The following JADE2 variants were observed in gnomAD, a reference collection of about 807,000 sequenced individuals.
JADE2 encodes E3 ubiquitin-protein ligase Jade-2.
In JADE2, 13 loss-of-function variants were observed where a neutral mutation model predicts 85.7. That is an observed-to-expected ratio of 0.15 (90% CI 0.10 to 0.24). The LOEUF is 0.24. Among genes scored for constraint, JADE2 ranks in the 10% least tolerant of loss-of-function variants. The probability of loss-of-function intolerance (pLI) is 1.00; values close to 1 mark genes in which losing one functional copy is unlikely to be tolerated. For missense variants in JADE2, 846 were observed against 1,115.9 expected (o/e 0.76, Z 3.45); for synonymous variants, 440 against 456.1 (o/e 0.96, Z 0.45).
At chr5:134,537,055 C>T (rs1761635841) in intron 2 of JADE2, among the ~76,000 whole-genome samples, 1 of 152,210 alleles carries the variant, frequency 6.6e-6, no homozygotes, top group African/African-American at 2.4e-5. Flanking sequence ...CAGGAGATCA[C>T]AGCATCTGGC....
chr5:134,526,079 G>C (rs896965627), intron 1 of JADE2, 68 bp downstream of exon 1: 1 of 985,204 alleles, frequency 1.0e-6, no homozygotes, highest in East Asian at 1.1e-4. Flanking sequence ...TTTTGCAACA[G>C]ATCTGCCAGC....
intron 4 of JADE2, among the ~76,000 whole-genome samples, chr5:134,554,437 G>A (rs1762791078): frequency 6.6e-6 from 1 of 152,128 alleles, no homozygotes; most frequent in South Asian, 2.1e-4. Flanking sequence ...TGGCCCAGCG[G>A]TCTGTCCTCT....
At chr5:134,525,324 C>T (rs929407084), upstream of JADE2, among the ~76,000 whole-genome samples, 1 of 151,964 alleles carries the variant, frequency 6.6e-6, no homozygotes, top group African/African-American at 2.4e-5. Context: ...CGGGCGCAGC[C>T]GCCGCTCGGG....
intron 3 of JADE2, among the ~76,000 whole-genome samples, chr5:134,545,401 T>A (rs1164094076): frequency 6.8e-6 from 1 of 147,262 alleles, no homozygotes; most frequent in African/African-American, 2.4e-5. Flanking sequence ...GAAAGAGACG[T>A]TGAGTGGGGT....
intron 5 of JADE2, 112 bp from the exon 6 acceptor site, chr5:134,560,634 A>G (rs1439119167): frequency 2.3e-6 from 2 of 871,358 alleles, no homozygotes; most frequent in South Asian, 3.4e-5. Flanking sequence ...GTGGGCAGAA[A>G]CCCTCCCAGA....
intron 1 of JADE2, among the ~76,000 whole-genome samples, chr5:134,535,362 A>G (rs1015262018): frequency 6.6e-6 from 1 of 152,162 alleles, no homozygotes; most frequent in Non-Finnish European, 1.5e-5. Flanking sequence ...CACCACTCGC[A>G]GGACTAGGCC....
At chr5:134,549,785 G>T (rs910219472) in intron 3 of JADE2, among the ~76,000 whole-genome samples, 1 of 152,246 alleles carries the variant, frequency 6.6e-6, no homozygotes, top group Admixed American at 6.5e-5. Flanking sequence ...GCAGAATGAT[G>T]CACTGTCCCA....
chr5:134,570,750 G>A (rs997490520), intron 9 of JADE2, among the ~76,000 whole-genome samples: 3 of 152,014 alleles, frequency 2.0e-5, no homozygotes, highest in African/African-American at 7.3e-5. Flanking sequence ...TCCCTCTCTG[G>A]CTGCTCCTTG....
At chr5:134,560,475 C>CCATGTTA (rs1438406399) in intron 5 of JADE2, among the ~76,000 whole-genome samples, 1 of 152,186 alleles carries the variant, frequency 6.6e-6, no homozygotes, top group African/African-American at 2.4e-5. Context: ...AGAGACACTT[C>CCATGTTA]CATGTTAATT....
chr5:134,574,650 AC>A (rs1764251970), intron 10 of JADE2: 1 of 152,310 alleles, frequency 6.6e-6, no homozygotes. Context: ...TGGCATCACC[AC>A]CCACTCTGGC....
At chr5:134,563,781 A>G (rs1189621591) in intron 7 of JADE2, among the ~76,000 whole-genome samples, 1 of 152,252 alleles carries the variant, frequency 6.6e-6, no homozygotes, top group Non-Finnish European at 1.5e-5. Flanking sequence ...TGGGCTGGGC[A>G]TGGCAGAGAC....
chr5:134,577,914 T>C (rs1764481474), intron 11 of JADE2, among the ~76,000 whole-genome samples: 1 of 152,090 alleles, frequency 6.6e-6, no homozygotes, highest in South Asian at 2.1e-4. Flanking sequence ...CCTTTATCCA[T>C]GCTCTTTGCT....
At chr5:134,552,285 C>A in intron 4 of JADE2, 76 bp downstream of exon 4, 2 of 1,340,864 alleles carry the variant, frequency 1.5e-6, no homozygotes, top group East Asian at 2.4e-5. Context: ...GTTAGGTGAC[C>A]TGCCAGTCCT....
In JADE2 at chr5:134,576,915, G is replaced by T; in HGVS notation, c.1681+19G>T. 1 of 1,522,284 alleles carries T rather than the reference G, an allele frequency of 6.6e-7. No homozygotes were observed. The highest frequency in any genetic ancestry group is 8.8e-7 in the Non-Finnish European group (1 of 1,133,736). 94.3% of individuals were successfully genotyped at this position (1,522,284 alleles called of 1,614,324 possible). Reference sequence around the variant, plus strand: ...CAGCTGGGTGAGTGAGGGCCATGCTGGCCTGCAGACACGGCAGGCTTGACC... The same window carrying T: ...CAGCTGGGTGAGTGAGGGCCATGCTTGCCTGCAGACACGGCAGGCTTGACC... On this transcript the variant is annotated intron_variant, in intron 11 of 11. Coordinates refer to ENST00000681547, the MANE Select transcript of JADE2 (RefSeq NM_001388185.1).
intron 3 of JADE2, among the ~76,000 whole-genome samples, chr5:134,548,245 ATCAAG>A (rs145496578): frequency 0.046 from 6,960 of 152,258 alleles, 235 homozygotes; most frequent in Non-Finnish European, 0.062. Context: ...CTGATTTGGC[ATCAAG>A]TTAACTCAAG....
intron 1 of JADE2, among the ~76,000 whole-genome samples, chr5:134,529,965 A>C (rs1442782135): frequency 6.6e-6 from 1 of 152,278 alleles, no homozygotes; most frequent in Non-Finnish European, 1.5e-5. Flanking sequence ...TTGAAGTTGC[A>C]GACAGGCAAT....
At chr5:134,570,482 C>T (rs184004626) in intron 9 of JADE2, among the ~76,000 whole-genome samples, 3 of 152,266 alleles carry the variant, frequency 2.0e-5, no homozygotes, top group East Asian at 1.9e-4. Context: ...TCCCTCTAGT[C>T]GTGGGTTCCT....
intron 3 of JADE2, among the ~76,000 whole-genome samples, chr5:134,542,435 CTTTTTTTTTTTTT>C (rs10568722): frequency 2.1e-5 from 2 of 93,458 alleles, no homozygotes; most frequent in African/African-American, 4.3e-5. Flanking sequence ...GTACCTATAC[CTTTTTTTTTTTTT>C]TTTTTTTTTT....
intron 4 of JADE2, among the ~76,000 whole-genome samples, 198 bp downstream of exon 4, chr5:134,552,407 C>T (rs979361689): frequency 7.9e-5 from 12 of 152,198 alleles, no homozygotes; most frequent in African/African-American, 2.4e-4. Context: ...GGGTTGGGCT[C>T]GGGCTTGGCT....
Sources: gnomAD v4.1 joint callset for allele counts (sites outside exome capture counted in the v4.1 genomes callset) on GRCh38, gnomAD v4.1.1 for gene constraint, MANE v1.5 for transcripts, NCBI Gene and HGNC (gene_info 2026-07-23, HGNC 2026-07-21) for gene names.